The following PLCH2 variants were observed in gnomAD, a reference collection of about 807,000 sequenced individuals.
The protein encoded by PLCH2 is phospholipase C eta 2.
PLCH2 carries 98 observed loss-of-function variants against 134.7 expected under a neutral mutation model. That is an observed-to-expected ratio of 0.73 (90% CI 0.62 to 0.86). The LOEUF is 0.86. PLCH2 is among the 40% of genes least tolerant of loss of function. The pLI, the probability that PLCH2 is intolerant of heterozygous loss-of-function variation, is 0.00. For synonymous variants in PLCH2, 974 were observed against 827.5 expected, an observed-to-expected ratio of 1.18 and a Z score of -3.04; for missense variants, 1,994 against 1,986.6, an observed-to-expected ratio of 1.00 and a Z score of -0.07.
rs557660093 is a variant in PLCH2, at chr1:2,498,458, T to G, written c.2225-65T>G. On this transcript the variant is annotated intron_variant, in intron 16 of 21. Coordinates refer to ENST00000378486, the MANE Select transcript of PLCH2 (RefSeq NM_014638.4). The surrounding 1 kb of genome is among the most constrained non-coding windows in gnomAD (Gnocchi z 5.4). Reference sequence around the variant, plus strand: ...CTGGGGAGGGGGCTGTTGGCAGCCATGCCCCAGCAAGCAGGGGGCTTGCTG... The same window carrying G: ...CTGGGGAGGGGGCTGTTGGCAGCCAGGCCCCAGCAAGCAGGGGGCTTGCTG... The G allele has an allele frequency of 5.8e-6, 9 of 1,550,914 alleles. No homozygotes were observed. Among genetic ancestry groups the G allele is most frequent in the Non-Finnish European group, 7.9e-6 (9 of 1,144,302 alleles).
At chr1:2,424,326 A>G (rs576345503), upstream of PLCH2, among the ~76,000 whole-genome samples, 1 of 152,056 alleles carries the variant, frequency 6.6e-6, no homozygotes, top group African/African-American at 2.4e-5. Context: ...CACAAAACAT[A>G]CCCTTCCTGT....
At chr1:2,418,472 G>A in the PLCH2 span, among the ~76,000 whole-genome samples, 3 of 152,180 alleles carry the variant, frequency 2.0e-5, no homozygotes, top group East Asian at 1.9e-4. Flanking sequence ...GAGGGGCCCC[G>A]GGGCCATGGC....
At position 2,439,372 on chromosome 1, in the gene PLCH2, C is replaced by T. The variant is rs945367242; in HGVS notation, c.115+8743C>T. 1.3e-5 allele frequency among the ~76,000 whole-genome samples: 2 copies of T among 152,116 alleles called. No homozygotes were observed. The highest frequency in any genetic ancestry group is 2.9e-5 in the Non-Finnish European group (2 of 68,004). ...GTGCTGGCCAGACCTGGTCCCCGAC[C>T]CCAGGGCTGCCCCCGGGTTCTGGGC... On this transcript the variant is annotated intron_variant, in intron 2 of 3. Coordinates refer to the PLCH2 transcript ENST00000609981. The surrounding 1 kb of genome is among the most constrained non-coding windows in gnomAD (Gnocchi z 4.7).
Position 2,498,317 on chromosome 1 carries a change from ATGC to A in PLCH2, c.2225-202_2225-200del. 1 of 571,360 alleles carries A rather than the reference ATGC, an allele frequency of 1.8e-6. No individual in the cohort carries two copies. The highest frequency in any genetic ancestry group is 3.1e-6 in the Non-Finnish European group (1 of 322,680). The allele number at this position is 571,360 out of a possible 1,614,324, so 35.4% of individuals were successfully genotyped here. ...GTGGGAGGCATGGGCTCTGTCCCAC[ATGC>A]TGCGGTAGCCACAAAGGTGATCCAT... On this transcript the variant is annotated intron_variant, in intron 16 of 21. Transcript: ENST00000378486. This position sits in a 1 kb window ranked among gnomAD's most constrained non-coding sequence, Gnocchi z 5.4.
intron 1 of PLCH2, among the ~76,000 whole-genome samples, chr1:2,468,231 G>T (rs369232407): frequency 2.0e-5 from 3 of 152,228 alleles, no homozygotes; most frequent in Admixed American, 6.5e-5. Context: ...TGCTTTCTCT[G>T]GGGGGCCTGC....
At position 2,502,441 on chromosome 1, in the gene PLCH2, C is replaced by G. The variant is rs1040340506; in HGVS notation, c.2959+32C>G. 2.6e-6 allele frequency: 4 copies of G among 1,541,102 alleles called. No individual in the cohort carries two copies. The South Asian group carries it at 4.8e-5, about 18-fold the overall frequency. On this transcript the variant is annotated intron_variant, in intron 21 of 21. Coordinates refer to ENST00000378486, the MANE Select transcript of PLCH2 (RefSeq NM_014638.4). ...CGCCAGCTGCGGTGGCAGAGAAGAG[C>G]CCTGTGCGAGTGCGGCCCCCGCGTG...
At chr1:2,468,377 C>G (rs1641170772) in intron 1 of PLCH2, among the ~76,000 whole-genome samples, 1 of 152,272 alleles carries the variant, frequency 6.6e-6, no homozygotes, top group Admixed American at 6.5e-5. Context: ...CCTGCGCAGA[C>G]AGAGCGGAGC....
intron 12 of PLCH2, 87 bp downstream of exon 12, chr1:2,495,035 GC>G: frequency 1.1e-6 from 1 of 939,572 alleles, no homozygotes; most frequent in Non-Finnish European, 1.6e-6. Flanking sequence ...TGCTCCCAGT[GC>G]CCCGTGTCCT....
intron 2 of PLCH2, among the ~76,000 whole-genome samples, chr1:2,437,862 A>G (rs1639505929): frequency 6.6e-6 from 1 of 152,134 alleles, no homozygotes; most frequent in Admixed American, 6.5e-5. Flanking sequence ...CACACAGTAC[A>G]TGCACCCACG....
At chr1:2,497,371 TG>T (rs1011569101) in intron 15 of PLCH2, 130 bp from the exon 16 acceptor site, 10 of 645,552 alleles carry the variant, frequency 1.5e-5, no homozygotes, top group African/African-American at 1.1e-4. Flanking sequence ...CCATTCACAT[TG>T]GGTGAACGAG....
intron 2 of PLCH2, among the ~76,000 whole-genome samples, chr1:2,436,971 G>A (rs1357050552): frequency 6.6e-6 from 1 of 152,214 alleles, no homozygotes; most frequent in Non-Finnish European, 1.5e-5. Flanking sequence ...TTGGGTGGGG[G>A]TGAGCATGGG....
intron 2 of PLCH2, chr1:2,479,063 A>T: frequency 1.7e-5 from 3 of 180,730 alleles, no homozygotes; most frequent in Non-Finnish European, 3.5e-5. Context: ...GGCTCTGTGC[A>T]GGGGGTGGGT....
intron 2 of PLCH2, among the ~76,000 whole-genome samples, chr1:2,456,551 C>T (rs566619978): frequency 5.3e-5 from 8 of 152,342 alleles, no homozygotes; most frequent in South Asian, 2.1e-4. Flanking sequence ...CGGGGTGGCT[C>T]GTCCTGTGCA....
At chr1:2,494,788 G>T in intron 11 of PLCH2, 68 bp from the exon 12 acceptor site, 2 of 1,165,262 alleles carry the variant, frequency 1.7e-6, no homozygotes, top group Non-Finnish European at 2.5e-6. Flanking sequence ...ACCACCAGGG[G>T]CTGTCCCGGC....
intron 12 of PLCH2, among the ~76,000 whole-genome samples, chr1:2,495,159 C>G (rs16825139): frequency 0.015 from 2,318 of 152,338 alleles, 62 homozygotes; most frequent in African/African-American, 0.052. Context: ...TCAGGCCGAG[C>G]TATCGGTTGC....
Position 2,497,486 on chromosome 1 carries a change from T to G in PLCH2, c.2117-16T>G, listed in dbSNP as rs1004455697. 22 of 1,537,938 alleles carry G rather than the reference T, an allele frequency of 1.4e-5. No individual in the cohort carries two copies. The Admixed American group carries it at 3.1e-4, about 22-fold the overall frequency. ...GGTCAGGTGCTGACCAGGGCAGCCTTGTGTCACCCTCGCAGTTGCCCTGAA... is the reference window on the plus strand; with the variant it reads ...GGTCAGGTGCTGACCAGGGCAGCCTGGTGTCACCCTCGCAGTTGCCCTGAA... On this transcript the variant is annotated splice_polypyrimidine_tract_variant and intron_variant, in intron 15 of 21. Transcript: ENST00000378486.
At chr1:2,436,363 C>CACCTT (rs1284198855) in intron 2 of PLCH2, among the ~76,000 whole-genome samples, 2 of 82,048 alleles carry the variant, frequency 2.4e-5, no homozygotes, top group Admixed American at 1.2e-4. Flanking sequence ...TTCCTCCCTC[C>CACCTT]TCCCTTCCTC....
the PLCH2 span, among the ~76,000 whole-genome samples, chr1:2,419,994 C>T: frequency 6.3e-5 from 7 of 110,900 alleles, no homozygotes; most frequent in Admixed American, 1.0e-4. Context: ...CCCCTTTGTG[C>T]GCTCCCCCCA....
At chr1:2,446,166 C>T (rs564866783) in intron 2 of PLCH2, among the ~76,000 whole-genome samples, 8 of 152,342 alleles carry the variant, frequency 5.3e-5, no homozygotes, top group Admixed American at 2.0e-4. Flanking sequence ...GAAGGGGTGG[C>T]CATTGGGGGC....
Sources: allele counts gnomAD v4.1 joint callset (sites outside exome capture counted in the v4.1 genomes callset), GRCh38; gene constraint gnomAD v4.1.1; non-coding constraint Gnocchi (gnomAD v3.1); transcripts MANE v1.5; gene names NCBI Gene and HGNC (gene_info 2026-07-23, HGNC 2026-07-21).